TRHDE: variants seen among roughly 807,000 people sequenced by gnomAD.
TRHDE encodes thyrotropin releasing hormone degrading enzyme.
A neutral mutation model predicts 125.7 loss-of-function variants in TRHDE; 72 were observed. The observed-to-expected ratio is 0.57, with a 90% CI of 0.47 to 0.70. TRHDE has a LOEUF of 0.70. Among genes scored for constraint, TRHDE ranks in the 30% least tolerant of loss-of-function variants. The pLI is 0.00. For synonymous variants in TRHDE, 509 were observed against 509.1 expected, an observed-to-expected ratio of 1.00 and a Z score of 0.00; for missense variants, 1,110 against 1,327.1, an observed-to-expected ratio of 0.84 and a Z score of 2.54.
At chr12:72,590,192 A>G (rs952459740) in intron 12 of TRHDE, among the ~76,000 whole-genome samples, 3 of 152,066 alleles carry the variant, frequency 2.0e-5, no homozygotes, top group African/African-American at 7.2e-5. Context: ...ATTATTTGTT[A>G]TTTTTAAAAC....
intron 6 of TRHDE, among the ~76,000 whole-genome samples, chr12:72,500,971 A>G (rs1878131209): frequency 6.6e-6 from 1 of 151,760 alleles, no homozygotes; most frequent in African/African-American, 2.4e-5. Context: ...ATGTTTATAA[A>G]ACAATTTGGG....
At chr12:72,197,810 G>C (rs759949721) in intron 2 of TRHDE, among the ~76,000 whole-genome samples, 30 of 152,010 alleles carry the variant, frequency 2.0e-4, no homozygotes, top group African/African-American at 6.8e-4. Context: ...TCCTCAAAGA[G>C]GCCTTCCCTG....
intron 2 of TRHDE, among the ~76,000 whole-genome samples, chr12:72,158,642 C>CTT (rs2139326871): frequency 6.6e-6 from 1 of 152,206 alleles, no homozygotes; most frequent in South Asian, 2.1e-4. Context: ...GACTATTCAT[C>CTT]TTTTTCTGTT....
intron 2 of TRHDE, among the ~76,000 whole-genome samples, chr12:72,296,928 T>C (rs142277428): frequency 2.0e-4 from 31 of 152,232 alleles, no homozygotes; most frequent in African/African-American, 7.0e-4. Context: ...CAGAGTCTGT[T>C]CCAAGGAGCT....
chr12:72,516,915 G>T (rs1171140924), intron 6 of TRHDE, among the ~76,000 whole-genome samples: 1 of 151,994 alleles, frequency 6.6e-6, no homozygotes, highest in African/African-American at 2.4e-5. Flanking sequence ...TGTGGTTTTT[G>T]TCTTTGGTTC....
chr12:72,562,308 A>G (rs1592537452), intron 8 of TRHDE, 78 bp downstream of exon 8: 1 of 694,454 alleles, frequency 1.4e-6, no homozygotes, highest in East Asian at 2.7e-5. Flanking sequence ...CATAGCCTTT[A>G]TTGACACCTG....
intron 13 of TRHDE, among the ~76,000 whole-genome samples, chr12:72,619,931 T>A (rs1366184806): frequency 6.6e-6 from 1 of 152,120 alleles, no homozygotes; most frequent in Non-Finnish European, 1.5e-5. Flanking sequence ...AATTCCTTCC[T>A]TTTTATTTTT....
chr12:72,625,067 GA>G (rs1448825183), intron 15 of TRHDE, among the ~76,000 whole-genome samples: 1 of 151,302 alleles, frequency 6.6e-6, no homozygotes, highest in South Asian at 2.1e-4. Context: ...TCACTGAGTA[GA>G]AAAAAAATAG....
intron 2 of TRHDE, among the ~76,000 whole-genome samples, chr12:72,144,511 T>C (rs1876185061): frequency 6.6e-6 from 1 of 152,228 alleles, no homozygotes; most frequent in South Asian, 2.1e-4. Context: ...CTTTCCATGG[T>C]TCTCTTTTAA....
At chr12:72,304,379 T>A (rs539860885) in intron 2 of TRHDE, among the ~76,000 whole-genome samples, 2 of 152,302 alleles carry the variant, frequency 1.3e-5, no homozygotes, top group South Asian at 4.2e-4. Flanking sequence ...AGCTTGATGT[T>A]ATTTAGTAAA....
chr12:72,646,235 T>C (rs532743846), intron 15 of TRHDE, among the ~76,000 whole-genome samples: 1 of 152,208 alleles, frequency 6.6e-6, no homozygotes, highest in African/African-American at 2.4e-5. Context: ...AGGAGTTAAA[T>C]TGTGGAGTTT....
chr12:72,229,309 G>A (rs1051151053), intron 2 of TRHDE, among the ~76,000 whole-genome samples: 1 of 152,194 alleles, frequency 6.6e-6, no homozygotes, highest in African/African-American at 2.4e-5. Flanking sequence ...GCAGGCAAGA[G>A]TGAGCTTGTG....
chr12:72,416,911 G>T lies in TRHDE; in HGVS notation c.1315+38790G>T, dbSNP rs116969189. On this transcript the variant is annotated intron_variant, in intron 3 of 18. Coordinates refer to ENST00000261180, the MANE Select transcript of TRHDE (RefSeq NM_013381.3). ...AGGACTACTTTTCTATTTCTGTAAA[G>T]ATATTTTGATTGGAGTTGCACTGAA... Among the ~76,000 whole-genome samples, 65 of 152,028 alleles carry T rather than the reference G, an allele frequency of 4.3e-4. No individual in the cohort carries two copies. In the East Asian group the frequency reaches 0.012, roughly 29 times the overall value.
intron 1 of TRHDE, among the ~76,000 whole-genome samples, chr12:72,279,094 T>C (rs1449893855): frequency 6.6e-6 from 1 of 152,206 alleles, no homozygotes; most frequent in Non-Finnish European, 1.5e-5. Flanking sequence ...CCAGTATTTG[T>C]TTGGTTTGCA....
chr12:72,362,641 G>A (rs1420762539), intron 2 of TRHDE, among the ~76,000 whole-genome samples: 1 of 150,930 alleles, frequency 6.6e-6, no homozygotes, highest in Non-Finnish European at 1.5e-5. Flanking sequence ...CCTTGCCCAT[G>A]CCTATGTCCT....
At chr12:72,143,196 T>C (rs890786053) in intron 2 of TRHDE, among the ~76,000 whole-genome samples, 1 of 152,068 alleles carries the variant, frequency 6.6e-6, no homozygotes, top group African/African-American at 2.4e-5. Flanking sequence ...ACCTGCATGC[T>C]CCCTATCCCA....
At chr12:72,303,373 G>A (rs1396262036) in intron 2 of TRHDE, 2 of 152,100 alleles carry the variant, frequency 1.3e-5, no homozygotes, top group Non-Finnish European at 2.9e-5. Context: ...TTTGTGGGTT[G>A]TTCAGTTTGC....
At chr12:72,549,072 G>A (rs1869553398) in intron 7 of TRHDE, among the ~76,000 whole-genome samples, 1 of 151,776 alleles carries the variant, frequency 6.6e-6, no homozygotes, top group Admixed American at 6.6e-5. Flanking sequence ...CAATTATCAG[G>A]GTGGAAATTG....
chr12:72,469,855 A>G lies in TRHDE; in HGVS notation c.1413A>G (p.Ser471=), dbSNP rs765634734. The change falls in exon 4 of 19, where the codon TCA becomes TCG. Residue 471 remains serine (S), a synonymous_variant. Coordinates refer to ENST00000261180, the MANE Select transcript of TRHDE (RefSeq NM_013381.3). ...GAATACTGCTGGATCCCAGTGTTTC[A>G]TCTATTTCTTATTTGCTGGATGTCA... ...EQRILLDPSV[S]SISYLLDVTM... is the part of the protein sequence containing the mutation. 14 of 1,613,972 alleles carry G rather than the reference A, an allele frequency of 8.7e-6. No individual in the cohort carries two copies. The highest frequency in any genetic ancestry group is 3.3e-5 in the Admixed American group (2 of 59,992).
Sources: allele counts gnomAD v4.1 joint callset (sites outside exome capture counted in the v4.1 genomes callset), GRCh38; gene constraint gnomAD v4.1.1; transcripts MANE v1.5; gene names NCBI Gene and HGNC (gene_info 2026-07-23, HGNC 2026-07-21).